SAMHD1: variants seen among roughly 807,000 people sequenced by gnomAD.
SAMHD1 encodes the protein deoxynucleoside triphosphate triphosphohydrolase SAMHD1.
A neutral mutation model predicts 79.6 loss-of-function variants in SAMHD1; 54 were observed. The observed-to-expected ratio is 0.68, with a 90% CI of 0.55 to 0.85. The LOEUF (loss-of-function observed/expected upper bound fraction) is 0.85. SAMHD1 is among the 40% of genes least tolerant of loss of function. The probability of loss-of-function intolerance (pLI) is 0.00; values close to 1 mark genes in which losing one functional copy is unlikely to be tolerated. For missense variants in SAMHD1, 663 were observed against 782.7 expected, an observed-to-expected ratio of 0.85 and a Z score of 1.82; for synonymous variants, 260 against 264.1, an observed-to-expected ratio of 0.98 and a Z score of 0.15.
At chr20:36,925,469 A>G (rs1470393071) in intron 6 of SAMHD1, among the ~76,000 whole-genome samples, 1 of 152,236 alleles carries the variant, frequency 6.6e-6, no homozygotes, top group East Asian at 1.9e-4. Flanking sequence ...AAAACTGGTG[A>G]GAAACTACCC....
Position 36,905,515 on chromosome 20 carries a change from A to G in SAMHD1, c.1271-12T>C, listed in dbSNP as rs1196737542. On this transcript the variant is annotated splice_polypyrimidine_tract_variant and intron_variant, in intron 11 of 15. Coordinates refer to ENST00000646673, the MANE Select transcript of SAMHD1 (RefSeq NM_015474.4). Reference sequence around the variant, plus strand: ...CAGAAAAATGTTATCTGCCAATTTAATGACATTTCAGTTATATTAAAATAA... The same window carrying G: ...CAGAAAAATGTTATCTGCCAATTTAGTGACATTTCAGTTATATTAAAATAA... 1 of 1,584,964 alleles carries G rather than the reference A, an allele frequency of 6.3e-7. No homozygotes were observed. The highest frequency in any genetic ancestry group is 8.7e-7 in the Non-Finnish European group (1 of 1,153,894).
intron 5 of SAMHD1, among the ~76,000 whole-genome samples, chr20:36,929,293 G>A (rs535109623): frequency 9.2e-5 from 14 of 152,104 alleles, no homozygotes; most frequent in Non-Finnish European, 1.8e-4. Context: ...GACATAAAAA[G>A]AGTGCCTACT....
At chr20:36,933,539 C>T (rs957253135) in intron 4 of SAMHD1, among the ~76,000 whole-genome samples, 17 of 152,016 alleles carry the variant, frequency 1.1e-4, no homozygotes, top group African/African-American at 4.1e-4. Context: ...ACTCTGTCAC[C>T]CAGGCTGGAG....
intron 2 of SAMHD1, among the ~76,000 whole-genome samples, chr20:36,944,056 T>G (rs1600392154): frequency 9.0e-6 from 1 of 111,470 alleles, no homozygotes; most frequent in African/African-American, 3.6e-5. Context: ...CCAGCCTGAG[T>G]GACAGAGCAA....
At chr20:36,947,025 C>A in intron 1 of SAMHD1, 1 of 439,716 alleles carries the variant, frequency 2.3e-6, no homozygotes, top group Non-Finnish European at 4.1e-6. Context: ...GTGAAAATTT[C>A]AAAATTATTT....
At chr20:36,909,672 C>T (rs1303271308) in intron 11 of SAMHD1, among the ~76,000 whole-genome samples, 3 of 113,294 alleles carry the variant, frequency 2.6e-5, no homozygotes, top group African/African-American at 6.3e-5. Context: ...ACTCTGTCCA[C>T]CCCCCTCCAA....
chr20:36,917,150 A>G (rs1601130441), intron 7 of SAMHD1, 101 bp from the exon 8 acceptor site: 1 of 746,980 alleles, frequency 1.3e-6, no homozygotes, highest in East Asian at 2.7e-5. Context: ...ATAAACAGAT[A>G]CCTGACTGGG....
chr20:36,910,871 T>C (rs2063434966), intron 11 of SAMHD1, among the ~76,000 whole-genome samples: 1 of 152,162 alleles, frequency 6.6e-6, no homozygotes, highest in Non-Finnish European at 1.5e-5. Flanking sequence ...AAGATTCAGA[T>C]AGGTCAAATC....
At chr20:36,915,179 G>GTTTATTTTAATTC (rs2063467570) in intron 9 of SAMHD1, among the ~76,000 whole-genome samples, 1 of 150,200 alleles carries the variant, frequency 6.7e-6, no homozygotes, top group Non-Finnish European at 1.5e-5. Flanking sequence ...CTCCACCTCT[G>GTTTATTTTAATTC]TAAAATAAAT....
chr20:36,924,054 G>C (rs969947822), intron 6 of SAMHD1, among the ~76,000 whole-genome samples: 2 of 152,088 alleles, frequency 1.3e-5, no homozygotes, highest in Non-Finnish European at 2.9e-5. Context: ...GTTGAGACCA[G>C]TCTGGGTAAC....
chr20:36,912,893 T>TTTG lies in SAMHD1; in HGVS notation c.1063-342_1063-341insCAA, dbSNP rs2063452616. ...CCCAGCTAACTTTCATTCTTTGTTT[T>TTTG]TTTTTTTTTTTTTTTTTTTTTTGAG... On this transcript the variant is annotated intron_variant, in intron 9 of 15. Coordinates refer to ENST00000646673, the MANE Select transcript of SAMHD1 (RefSeq NM_015474.4). Among the ~76,000 whole-genome samples the TTTG allele has an allele frequency of 3.1e-5, 4 of 127,104 alleles. No homozygotes were observed. The East Asian group carries it at 6.3e-4, about 20-fold the overall frequency. 83.4% of individuals were successfully genotyped at this position (127,104 alleles called of 152,430 possible). A position where few individuals can be genotyped will look rare whatever the true frequency, so the allele number is the denominator to read the frequency against.
intron 14 of SAMHD1, 65 bp from the exon 15 acceptor site, chr20:36,898,024 C>T: frequency 6.3e-7 from 1 of 1,589,454 alleles, no homozygotes; most frequent in Non-Finnish European, 8.6e-7. Flanking sequence ...CAGCTGGTCC[C>T]TAGGCTCCTA....
At chr20:36,926,234 C>T (rs535123457) in intron 6 of SAMHD1, among the ~76,000 whole-genome samples, 37 of 152,160 alleles carry the variant, frequency 2.4e-4, no homozygotes, top group Non-Finnish European at 4.4e-4. Context: ...CATAATGCCA[C>T]ACTACGTAGG....
At chr20:36,923,437 A>C (rs1330825795) in intron 6 of SAMHD1, among the ~76,000 whole-genome samples, 1 of 152,112 alleles carries the variant, frequency 6.6e-6, no homozygotes, top group Non-Finnish European at 1.5e-5. Flanking sequence ...CAATAAAATA[A>C]AAATAAATAA....
At chr20:36,916,304 G>A (rs957107968) in intron 9 of SAMHD1, among the ~76,000 whole-genome samples, 1 of 151,700 alleles carries the variant, frequency 6.6e-6, no homozygotes, top group Non-Finnish European at 1.5e-5. Context: ...AGGGTTATAC[G>A]GAATGAGTTG....
intron 3 of SAMHD1, among the ~76,000 whole-genome samples, chr20:36,935,841 GAT>G (rs2063600113): frequency 6.6e-6 from 1 of 152,088 alleles, no homozygotes; most frequent in African/African-American, 2.4e-5. Flanking sequence ...AAAGTGTTGG[GAT>G]TACAGGCGTG....
chr20:36,911,532 G>A (rs1362562147), intron 10 of SAMHD1, 199 bp from the exon 11 acceptor site: 28 of 555,764 alleles, frequency 5.0e-5, no homozygotes, highest in Admixed American at 2.9e-4. Flanking sequence ...AGGCACTGTC[G>A]CAGGGCTTTG....
At chr20:36,935,822 C>T (rs1393991336) in intron 3 of SAMHD1, among the ~76,000 whole-genome samples, 3 of 152,124 alleles carry the variant, frequency 2.0e-5, no homozygotes, top group South Asian at 2.1e-4. Context: ...CCGCCCACCT[C>T]GGCCTCCCAA....
At chr20:36,932,511 A>G (rs570235863) in intron 4 of SAMHD1, among the ~76,000 whole-genome samples, 20 of 131,922 alleles carry the variant, frequency 1.5e-4, no homozygotes, top group African/African-American at 5.9e-4. Flanking sequence ...GCTGGAGTGC[A>G]CTGGCCTGAT....
Sources: gnomAD v4.1 joint callset for allele counts (sites outside exome capture counted in the v4.1 genomes callset) on GRCh38, gnomAD v4.1.1 for gene constraint, MANE v1.5 for transcripts, NCBI Gene and HGNC (gene_info 2026-07-23, HGNC 2026-07-21) for gene names.